The following ANAPC1 variants were observed in gnomAD, a reference collection of about 807,000 sequenced individuals.
ANAPC1 encodes anaphase promoting complex subunit 1, also known as anaphase-promoting complex subunit 1.
ANAPC1 carries 36 observed loss-of-function variants against 208.0 expected under a neutral mutation model. The ratio of observed to expected loss-of-function variants is 0.17; its 90% CI spans 0.13 to 0.23. The LOEUF (loss-of-function observed/expected upper bound fraction) is 0.23. Among genes scored for constraint, ANAPC1 ranks in the 10% least tolerant of loss-of-function variants. ANAPC1 has a pLI of 1.00. For missense variants in ANAPC1, 942 were observed against 2,011.6 expected (o/e 0.47, Z 10.17); for synonymous variants, 378 against 695.2 (o/e 0.54, Z 7.18).
chr2:111,829,610 T>C (rs1247662448), intron 21 of ANAPC1, among the ~76,000 whole-genome samples: 1 of 152,168 alleles, frequency 6.6e-6, no homozygotes, highest in Non-Finnish European at 1.5e-5. Context: ...GAAGGTTTGA[T>C]CTTGGACATG....
intron 3 of ANAPC1, among the ~76,000 whole-genome samples, chr2:111,874,022 A>G (rs1322380034): frequency 6.6e-6 from 1 of 152,152 alleles, no homozygotes; most frequent in Admixed American, 6.5e-5. Flanking sequence ...ACTAAACCCT[A>G]TATCCTCTAC....
At chr2:111,849,200 T>C (rs531749730) in intron 14 of ANAPC1, among the ~76,000 whole-genome samples, 42 of 152,306 alleles carry the variant, frequency 2.8e-4, no homozygotes, top group African/African-American at 1.0e-3. Flanking sequence ...AGCAAAATCT[T>C]CCAGAGAAGT....
At chr2:111,828,960 A>G (rs1679982462) in intron 21 of ANAPC1, among the ~76,000 whole-genome samples, 1 of 152,148 alleles carries the variant, frequency 6.6e-6, no homozygotes, top group Non-Finnish European at 1.5e-5. Context: ...CACGCCTGTA[A>G]CCCCTGCACT....
At chr2:111,781,463 C>T (rs1364091279) in intron 43 of ANAPC1, among the ~76,000 whole-genome samples, 3 of 152,154 alleles carry the variant, frequency 2.0e-5, no homozygotes, top group South Asian at 4.1e-4. Flanking sequence ...ATCCTGGGAA[C>T]CATTATAAAG....
At chr2:111,832,449 A>T (rs1386866377) in intron 20 of ANAPC1, among the ~76,000 whole-genome samples, 1 of 152,082 alleles carries the variant, frequency 6.6e-6, no homozygotes, top group African/African-American at 2.4e-5. Flanking sequence ...AGGGTCTAGG[A>T]TAGTACAGTG....
chr2:111,767,068 T>C (rs901180000), downstream of ANAPC1: 9 of 433,100 alleles, frequency 2.1e-5, no homozygotes, highest in Admixed American at 1.2e-4. Context: ...GTGTAAATTG[T>C]ATGGTTTCTT....
intron 1 of ANAPC1, among the ~76,000 whole-genome samples, chr2:111,883,165 CAAAAA>C (rs141124163): frequency 1.8e-5 from 2 of 108,538 alleles, no homozygotes; most frequent in Non-Finnish European, 3.6e-5. Flanking sequence ...GACTCCTTCT[CAAAAA>C]AAAAAAAAAA....
intron 6 of ANAPC1, among the ~76,000 whole-genome samples, chr2:111,871,518 A>C (rs1179705266): frequency 6.6e-6 from 1 of 152,210 alleles, no homozygotes; most frequent in African/African-American, 2.4e-5. Flanking sequence ...TGGGAGGCCA[A>C]GGTGGGTGGA....
chr2:111,857,649 C>T lies in ANAPC1; in HGVS notation c.1358+657G>A, dbSNP rs3891980. Among the ~76,000 whole-genome samples, 4 of 152,318 alleles carry T rather than the reference C, an allele frequency of 2.6e-5. No individual in the cohort carries two copies. In the South Asian group the frequency reaches 8.3e-4, roughly 32 times the overall value. On this transcript the variant is annotated intron_variant, in intron 11 of 47. Transcript: ENST00000341068. ...TTTGGTGATTTCTTAAAAAGTTAAA[C>T]ATGAATTTACCATTCAACCCAATGA...
At chr2:111,842,575 A>C (rs1263563425) in intron 17 of ANAPC1, among the ~76,000 whole-genome samples, 11 of 151,208 alleles carry the variant, frequency 7.3e-5, no homozygotes, top group Non-Finnish European at 1.5e-5. Flanking sequence ...CCCAGGAGGC[A>C]GAGCCTGTAG....
intron 16 of ANAPC1, among the ~76,000 whole-genome samples, chr2:111,844,569 CAAA>C (rs11327163): frequency 9.4e-5 from 12 of 127,640 alleles, no homozygotes; most frequent in Non-Finnish European, 9.9e-5. Flanking sequence ...AACTCTGTCT[CAAA>C]AAAAAAAAAA....
chr2:111,825,824 C>G lies in ANAPC1; in HGVS notation c.2657G>C (p.Ser886Thr), dbSNP rs1334845011. The G allele has an allele frequency of 5.6e-6, 9 of 1,613,790 alleles. No homozygotes were observed. The highest frequency in any genetic ancestry group is 6.8e-6 in the Non-Finnish European group (8 of 1,179,742). ...CTGTGAGGATTCATCAGAAACCAAG[C>G]TCTCATCACCAAGTATGTACAGTGC... ...SIALYILGDE[S>T]LVSDESSQYL... The change falls in exon 22 of 48, where the codon AGC becomes ACC. Residue 886 changes from serine to threonine, a missense_variant. Ser to Thr is a moderately conservative substitution (Grantham distance 58, BLOSUM62 1). Coordinates refer to ENST00000341068, the MANE Select transcript of ANAPC1 (RefSeq NM_022662.4).
chr2:111,826,675 T>A (rs1198618998), intron 21 of ANAPC1, among the ~76,000 whole-genome samples: 23 of 149,488 alleles, frequency 1.5e-4, no homozygotes, highest in Admixed American at 2.7e-4. Flanking sequence ...ATTTTTTTTT[T>A]TTTTGAGACG....
chr2:111,791,827 C>A (rs977389312), intron 38 of ANAPC1, among the ~76,000 whole-genome samples: 1 of 150,784 alleles, frequency 6.6e-6, no homozygotes, highest in African/African-American at 2.4e-5. Context: ...GAATCTTGAT[C>A]TACATGATAA....
intron 35 of ANAPC1, among the ~76,000 whole-genome samples, chr2:111,794,586 G>T (rs1678059803): frequency 6.6e-6 from 1 of 151,918 alleles, no homozygotes; most frequent in South Asian, 2.1e-4. Flanking sequence ...TTAATGGAAA[G>T]GATAAAAGAC....
chr2:111,843,471 C>A lies in ANAPC1; in HGVS notation c.1981G>T (p.Val661Leu). The change falls in exon 17 of 48, where the codon GTG (valine) becomes TTG (leucine). Residue 661 changes from valine (V) to leucine (L), a missense_variant. By Grantham distance (32) the Val-to-Leu change is conservative (BLOSUM62 1). Transcript: ENST00000341068. ...PSYHSEWNLFVTCLMNMMGYN... is the reference protein window; with the variant it reads ...PSYHSEWNLFLTCLMNMMGYN... ...CCCATCATGTTCATGAGACAAGTCA[C>A]AAATAAATTCCACTCTGAGTGATAA... 5 of 1,611,984 alleles carry A rather than the reference C, an allele frequency of 3.1e-6. No homozygotes were observed. Among genetic ancestry groups the A allele is most frequent in the Non-Finnish European group, 3.4e-6 (4 of 1,179,852 alleles).
intron 10 of ANAPC1, among the ~76,000 whole-genome samples, chr2:111,859,694 C>A (rs970537392): frequency 6.6e-6 from 1 of 152,164 alleles, no homozygotes; most frequent in Non-Finnish European, 1.5e-5. Flanking sequence ...TTCATTCTCT[C>A]TAAGATTATG....
chr2:111,835,104 G>T (rs1348137831), intron 18 of ANAPC1, among the ~76,000 whole-genome samples: 5 of 152,016 alleles, frequency 3.3e-5, no homozygotes, highest in Non-Finnish European at 7.4e-5. Flanking sequence ...ATATTTTCAT[G>T]ACCTTTTAGG....
At chr2:111,874,646 C>T (rs1352658532) in intron 3 of ANAPC1, among the ~76,000 whole-genome samples, 1 of 152,188 alleles carries the variant, frequency 6.6e-6, no homozygotes, top group Non-Finnish European at 1.5e-5. Context: ...TTAGCATATA[C>T]CACATTTGTT....
Sources: gnomAD v4.1 joint callset for allele counts (sites outside exome capture counted in the v4.1 genomes callset) on GRCh38, gnomAD v4.1.1 for gene constraint, MANE v1.5 for transcripts, NCBI Gene and HGNC (gene_info 2026-07-23, HGNC 2026-07-21) for gene names.